The following ACOXL variants were observed in gnomAD, a reference collection of about 807,000 sequenced individuals.
The protein encoded by ACOXL is acyl-CoA oxidase like, also known as acyl-coenzyme A oxidase-like protein.
ACOXL carries 70 observed loss-of-function variants against 71.9 expected under a neutral mutation model. That is an observed-to-expected ratio of 0.97 (90% CI 0.80 to 1.19). ACOXL has a LOEUF of 1.19. ACOXL is among the 50% of genes most tolerant of loss of function. ACOXL has a pLI of 0.00. For synonymous variants in ACOXL, 253 were observed against 281.6 expected (o/e 0.90, Z 1.02); for missense variants, 703 against 736.3 (o/e 0.95, Z 0.52).
intron 10 of ACOXL, among the ~76,000 whole-genome samples, chr2:110,842,198 G>A (rs553856803): frequency 7.2e-5 from 11 of 152,224 alleles, no homozygotes; most frequent in Admixed American, 5.9e-4. Context: ...CGTGAATTGG[G>A]CAATCATAGG....
intron 12 of ACOXL, among the ~76,000 whole-genome samples, chr2:110,946,121 C>T (rs1021037741): frequency 4.3e-4 from 66 of 152,230 alleles, no homozygotes; most frequent in African/African-American, 1.5e-3. Flanking sequence ...AACATGTGAA[C>T]GTTAGCTTTA....
At chr2:110,886,665 C>A in intron 10 of ACOXL, 1 of 1,323,666 alleles carries the variant, frequency 7.6e-7, no homozygotes, top group Non-Finnish European at 1.0e-6. Context: ...AGGCTTGAGC[C>A]ACTGCGTCTG....
Position 111,070,723 on chromosome 2 carries a change from T to C in ACOXL, c.1440+21435T>C, listed in dbSNP as rs191555498. ...TCCCTTTGTGCTTGTTGATTTTACT[T>C]CTTGTAGATGGGTTTTCTGTACTTT... On this transcript the variant is annotated intron_variant, in intron 16 of 17. Coordinates refer to ENST00000439055, the MANE Select transcript of ACOXL (RefSeq NM_001142807.4). Among the ~76,000 whole-genome samples, 432 of 152,172 alleles carry C rather than the reference T, an allele frequency of 2.8e-3. 2 individuals carry two copies. The highest frequency in any genetic ancestry group is 4.6e-3 in the Non-Finnish European group (314 of 67,888).
At chr2:110,849,547 C>T (rs1427268053) in intron 10 of ACOXL, among the ~76,000 whole-genome samples, 1 of 152,168 alleles carries the variant, frequency 6.6e-6, no homozygotes, top group South Asian at 2.1e-4. Context: ...CACCTGAGGT[C>T]GGGAGTTCGA....
At chr2:111,113,150 G>A in intron 17 of ACOXL, 1 of 152,230 alleles carries the variant, frequency 6.6e-6, no homozygotes, top group East Asian at 1.9e-4. Context: ...ACTGGAAGCA[G>A]TGAGGCACTG....
chr2:111,026,456 T>C (rs1025831279), intron 14 of ACOXL, among the ~76,000 whole-genome samples: 1 of 151,122 alleles, frequency 6.6e-6, no homozygotes, highest in African/African-American at 2.4e-5. Context: ...AAAATTTCGT[T>C]CTGTGAAGTT....
chr2:110,838,842 T>C (rs1338374493), intron 9 of ACOXL, among the ~76,000 whole-genome samples: 1 of 152,154 alleles, frequency 6.6e-6, no homozygotes, highest in Admixed American at 6.5e-5. Context: ...CACGGAGGCT[T>C]TCCCCCCTCC....
rs1185783972 is a variant in ACOXL, at chr2:110,798,719, C to G, written c.455C>G (p.Ser152Cys). 1 of 1,613,720 alleles carries G rather than the reference C, an allele frequency of 6.2e-7. No homozygotes were observed. The highest frequency in any genetic ancestry group is 8.5e-7 in the Non-Finnish European group (1 of 1,179,620). Reference protein sequence around the residue: ...VFAQLIIDGRSQGPHCFIVPV... With the variant: ...VFAQLIIDGRCQGPHCFIVPV... ...GCCCAGCTCATCATAGATGGAAGAT[C>G]TCAAGGTTTGTTACCAATACAGACA... The change falls in exon 6 of 18, where the codon TCT becomes TGT. Residue 152 changes from serine to cysteine, a missense_variant. Transcript: ENST00000439055.
chr2:110,908,751 G>A, intron 10 of ACOXL, 38 bp from the exon 11 acceptor site: 1 of 1,554,200 alleles, frequency 6.4e-7, no homozygotes, highest in Non-Finnish European at 8.9e-7. Context: ...TCCCGCTCCT[G>A]GATTTTGGTA....
At chr2:110,978,589 G>C (rs373950728) in intron 12 of ACOXL, among the ~76,000 whole-genome samples, 1 of 152,080 alleles carries the variant, frequency 6.6e-6, no homozygotes. Context: ...ATGTTATTAG[G>C]GCTGTTGATT....
At chr2:110,903,865 G>A (rs962328387) in intron 10 of ACOXL, among the ~76,000 whole-genome samples, 2 of 152,224 alleles carry the variant, frequency 1.3e-5, no homozygotes, top group Admixed American at 6.5e-5. Flanking sequence ...ACCACAGCAT[G>A]GCAGGGCAGG....
At chr2:110,950,816 A>AGAGAGT (rs1458900227) in intron 12 of ACOXL, among the ~76,000 whole-genome samples, 4 of 151,334 alleles carry the variant, frequency 2.6e-5, no homozygotes, top group African/African-American at 4.9e-5. Context: ...GGGTGGAGAG[A>AGAGAGT]GAGAGAGAGA....
intron 9 of ACOXL, among the ~76,000 whole-genome samples, chr2:110,814,803 ACTTTT>A (rs1687734253): frequency 1.3e-5 from 2 of 152,188 alleles, no homozygotes; most frequent in African/African-American, 4.8e-5. Context: ...AAATGGAATC[ACTTTT>A]CTTATACTCT....
At chr2:111,072,674 T>C (rs2067398524) in intron 16 of ACOXL, among the ~76,000 whole-genome samples, 1 of 152,234 alleles carries the variant, frequency 6.6e-6, no homozygotes, top group Non-Finnish European at 1.5e-5. Context: ...GGAACTGCCA[T>C]GTGCATTGCA....
At chr2:110,800,386 A>G (rs1030697713) in intron 7 of ACOXL, among the ~76,000 whole-genome samples, 2 of 152,224 alleles carry the variant, frequency 1.3e-5, no homozygotes, top group Non-Finnish European at 2.9e-5. Flanking sequence ...CATCTTACAG[A>G]GAACAGAAGC....
intron 9 of ACOXL, among the ~76,000 whole-genome samples, chr2:110,820,891 GAGA>G (rs973535817): frequency 1.3e-4 from 20 of 152,176 alleles, no homozygotes; most frequent in Non-Finnish European, 2.8e-4. Flanking sequence ...ATGAGGGTGG[GAGA>G]AGGTGTAGGG....
At chr2:111,093,696 C>A in intron 17 of ACOXL, 1 of 620,700 alleles carries the variant, frequency 1.6e-6, no homozygotes, top group East Asian at 3.1e-5. Context: ...GAAACCCTGT[C>A]TACTAAAATA....
chr2:111,075,780 C>T (rs115224802), intron 16 of ACOXL, among the ~76,000 whole-genome samples: 1 of 152,172 alleles, frequency 6.6e-6, no homozygotes, highest in African/African-American at 2.4e-5. Context: ...TTGTTCTCCA[C>T]TTCTAATTTC....
chr2:110,895,330 T>C (rs908118940), intron 10 of ACOXL, among the ~76,000 whole-genome samples: 3 of 151,748 alleles, frequency 2.0e-5, no homozygotes, highest in Admixed American at 2.0e-4. Flanking sequence ...GAGGAAAGAA[T>C]CAGTAAACTA....
Sources: allele counts gnomAD v4.1 joint callset (sites outside exome capture counted in the v4.1 genomes callset), GRCh38; gene constraint gnomAD v4.1.1; transcripts MANE v1.5; gene names NCBI Gene and HGNC (gene_info 2026-07-23, HGNC 2026-07-21).